The following DGLUCY variants were observed in gnomAD, a reference collection of about 807,000 sequenced individuals.
The protein encoded by DGLUCY is D-glutamate cyclase, mitochondrial.
A neutral mutation model predicts 58.5 loss-of-function variants in DGLUCY; 58 were observed. The observed-to-expected ratio is 0.99, with a 90% CI of 0.80 to 1.23. The LOEUF (loss-of-function observed/expected upper bound fraction) is 1.23. DGLUCY is among the 50% of genes most tolerant of loss of function. DGLUCY has a pLI of 0.00. For synonymous variants in DGLUCY, 325 were observed against 314.1 expected (o/e 1.03, Z -0.37); for missense variants, 779 against 784.7 (o/e 0.99, Z 0.09).
intron 1 of DGLUCY, among the ~76,000 whole-genome samples, chr14:91,108,572 T>C (rs959371883): frequency 8.3e-5 from 11 of 132,808 alleles, no homozygotes; most frequent in African/African-American, 2.9e-4. Context: ...AGAGTTTTGC[T>C]CTGTCACCCA....
intron 12 of DGLUCY, among the ~76,000 whole-genome samples, chr14:91,207,593 G>A (rs879431058): frequency 5.9e-5 from 9 of 152,102 alleles, no homozygotes; most frequent in Non-Finnish European, 1.0e-4. Flanking sequence ...TCAAACTTCA[G>A]AAAACCAAAG....
chr14:91,095,817 C>A (rs952560025), intron 1 of DGLUCY, among the ~76,000 whole-genome samples: 1 of 152,026 alleles, frequency 6.6e-6, no homozygotes, highest in African/African-American at 2.4e-5. Context: ...CCCACCTTTC[C>A]CCAAAACACA....
intron 1 of DGLUCY, among the ~76,000 whole-genome samples, chr14:91,121,486 C>T (rs879454473): frequency 2.6e-5 from 4 of 151,964 alleles, no homozygotes; most frequent in East Asian, 1.9e-4. Context: ...ATCAGGAGTT[C>T]GAGACCAGCC....
intron 1 of DGLUCY, among the ~76,000 whole-genome samples, chr14:91,100,084 A>G (rs2044462051): frequency 6.6e-6 from 1 of 151,752 alleles, no homozygotes; most frequent in South Asian, 2.1e-4. Context: ...AAGAAGAAGA[A>G]GAAAAGAAAA....
chr14:91,089,170 T>C (rs915654787), intron 1 of DGLUCY, among the ~76,000 whole-genome samples: 4 of 152,216 alleles, frequency 2.6e-5, no homozygotes, highest in Non-Finnish European at 5.9e-5. Context: ...CTGCCCACCA[T>C]GGGACAGTAA....
rs1372287002 is a variant in DGLUCY, at chr14:91,114,085, CG to C, written c.-278del. ...GCCACGTGAGCTCAGGCTGTGGGAG[CG>C]GATGGAGCTGCTACAGTCAGCGCTT... On this transcript the variant is annotated 5_prime_UTR_variant, in exon 1 of 14. Transcript: ENST00000256324. 6.6e-6 allele frequency: 1 copy of C among 152,322 alleles called. No individual in the cohort carries two copies. 9.4% of individuals were successfully genotyped at this position (152,322 alleles called of 1,614,324 possible).
intron 11 of DGLUCY, among the ~76,000 whole-genome samples, chr14:91,204,046 T>C (rs2050731897): frequency 1.3e-5 from 2 of 152,238 alleles, no homozygotes; most frequent in South Asian, 4.1e-4. Flanking sequence ...TCCACCTATC[T>C]TGAACACCAT....
intron 1 of DGLUCY, among the ~76,000 whole-genome samples, chr14:91,094,988 A>G (rs2044371063): frequency 6.6e-6 from 1 of 152,248 alleles, no homozygotes; most frequent in African/African-American, 2.4e-5. Flanking sequence ...GGGTCCAGGC[A>G]TGGGTGATCT....
chr14:91,218,264 C>T (rs1301530321), intron 13 of DGLUCY, among the ~76,000 whole-genome samples: 1 of 152,276 alleles, frequency 6.6e-6, no homozygotes, highest in African/African-American at 2.4e-5. Flanking sequence ...TCCTGATTCA[C>T]GCAGACACAA....
intron 1 of DGLUCY, among the ~76,000 whole-genome samples, chr14:91,154,249 CTA>C (rs1247666148): frequency 6.6e-6 from 1 of 152,180 alleles, no homozygotes; most frequent in African/African-American, 2.4e-5. Flanking sequence ...AGAAATCAAT[CTA>C]TGTGTGAGAT....
chr14:91,127,562 C>T (rs2045778543), intron 1 of DGLUCY, among the ~76,000 whole-genome samples: 1 of 152,264 alleles, frequency 6.6e-6, no homozygotes, highest in Non-Finnish European at 1.5e-5. Flanking sequence ...CTGTCTGGCC[C>T]TTGCCTTCAG....
At chr14:91,197,687 C>T (rs1399813892) in intron 10 of DGLUCY, among the ~76,000 whole-genome samples, 2 of 152,226 alleles carry the variant, frequency 1.3e-5, no homozygotes, top group East Asian at 3.8e-4. Flanking sequence ...AGCATAATGT[C>T]CTCAATGTTC....
chr14:91,063,118 A>T (rs1216360124), intron 1 of DGLUCY, among the ~76,000 whole-genome samples: 3 of 152,162 alleles, frequency 2.0e-5, no homozygotes, highest in African/African-American at 4.8e-5. Context: ...AAGTTGGAGG[A>T]GCTGGAAGAC....
intron 1 of DGLUCY, among the ~76,000 whole-genome samples, chr14:91,076,769 C>A (rs2044028657): frequency 6.6e-6 from 1 of 152,146 alleles, no homozygotes; most frequent in African/African-American, 2.4e-5. Flanking sequence ...GACACCGTCC[C>A]AGGAGTGCTG....
At chr14:91,083,055 T>A (rs1045882644) in intron 1 of DGLUCY, among the ~76,000 whole-genome samples, 4 of 152,140 alleles carry the variant, frequency 2.6e-5, no homozygotes, top group African/African-American at 9.7e-5. Context: ...ATCATGACCA[T>A]CAGAGTTTAC....
At chr14:91,109,938 T>G (rs551281062), upstream of DGLUCY, among the ~76,000 whole-genome samples, 1 of 152,344 alleles carries the variant, frequency 6.6e-6, no homozygotes, top group South Asian at 2.1e-4. Flanking sequence ...CATCTTGAGT[T>G]CCTGTTTCTG....
intron 1 of DGLUCY, chr14:91,148,550 A>G (rs937697067): frequency 6.6e-6 from 1 of 152,134 alleles, no homozygotes; most frequent in Non-Finnish European, 1.5e-5. Context: ...CAATAACATC[A>G]TTAACTCATA....
At chr14:91,193,285 G>A (rs1484104067) in intron 9 of DGLUCY, among the ~76,000 whole-genome samples, 1 of 152,162 alleles carries the variant, frequency 6.6e-6, no homozygotes, top group Admixed American at 6.5e-5. Flanking sequence ...TCTGACAACG[G>A]TGTTGCTGGG....
chr14:91,097,755 C>G (rs2044420608), intron 1 of DGLUCY, among the ~76,000 whole-genome samples: 1 of 151,582 alleles, frequency 6.6e-6, no homozygotes, highest in South Asian at 2.1e-4. Flanking sequence ...CTCACTGCAA[C>G]CTCCATCTCC....
Sources: gnomAD v4.1 joint callset for allele counts (sites outside exome capture counted in the v4.1 genomes callset) on GRCh38, gnomAD v4.1.1 for gene constraint, MANE v1.5 for transcripts, NCBI Gene and HGNC (gene_info 2026-07-23, HGNC 2026-07-21) for gene names.